Variants in TPM3 observed in about 807,000 individuals in gnomAD.
TPM3 encodes the protein tropomyosin alpha-3 chain.
Under a neutral mutation model 43.1 loss-of-function variants are expected in TPM3, and 16 were observed. The ratio of observed to expected loss-of-function variants is 0.37; its 90% CI spans 0.25 to 0.56. The LOEUF (loss-of-function observed/expected upper bound fraction) is 0.56, where lower values mean the gene tolerates loss of function less well. TPM3 is among the 20% of genes least tolerant of loss of function. The probability of loss-of-function intolerance (pLI) is 0.77; values close to 1 mark genes in which losing one functional copy is unlikely to be tolerated. For missense variants in TPM3, 176 were observed against 337.2 expected (o/e 0.52, Z 3.74); for synonymous variants, 101 against 116.9 (o/e 0.86, Z 0.88).
intron 2 of TPM3, chr1:154,183,148 C>T (rs952245414): frequency 2.5e-6 from 4 of 1,597,544 alleles, no homozygotes; most frequent in Admixed American, 1.7e-5. Context: ...GCTCGCGCTC[C>T]GGTTCCTGCC....
In TPM3 at chr1:154,166,877, T is replaced by C. The variant is rs1397862866; in HGVS notation, c.*1060A>G. ...TTTGTATTTTTAGTAGAGACGGGGT[T>C]TCACCATGTTGGCCGAGCTGGTCTC... On this transcript the variant is annotated 3_prime_UTR_variant, in exon 10 of 10. Transcript: ENST00000651641. Among the ~76,000 whole-genome samples the C allele has an allele frequency of 6.6e-6, 1 of 152,140 alleles. No homozygotes were observed. Among genetic ancestry groups the C allele is most frequent in the Non-Finnish European group, 1.5e-5 (1 of 68,024 alleles).
At chr1:154,183,315 G>A (rs1663195876) in intron 2 of TPM3, 6 of 1,476,142 alleles carry the variant, frequency 4.1e-6, no homozygotes, top group Middle Eastern at 2.4e-4. Context: ...GGAGAGCCGC[G>A]GCAGGGAGTG....
downstream of TPM3, chr1:154,157,201 CT>C: frequency 2.4e-5 from 8 of 335,748 alleles, no homozygotes; most frequent in South Asian, 7.5e-5. Context: ...AGGCCTACAC[CT>C]TTTCCTCTCC....
downstream of TPM3, chr1:154,156,431 T>C (rs1022990667): frequency 2.1e-5 from 4 of 189,778 alleles, no homozygotes; most frequent in Admixed American, 6.2e-5. Context: ...AGTTGCACTA[T>C]TGATTTCTCT....
Position 154,163,595 on chromosome 1 carries a change from A to G in TPM3, c.*4342T>C, listed in dbSNP as rs1660616632. Among the ~76,000 whole-genome samples, 2 of 152,018 alleles carry G rather than the reference A, an allele frequency of 1.3e-5. No homozygotes were observed. The highest frequency in any genetic ancestry group is 1.5e-5 in the Non-Finnish European group (1 of 68,004). On this transcript the variant is annotated 3_prime_UTR_variant, in exon 10 of 10. Transcript: ENST00000651641. ...TCAACCGTCTTCTTTCCCTCCAATC[A>G]GTTCCATTTGGTTCCTCCTCTTACA...
chr1:154,170,552 A>C (rs1431818722), intron 7 of TPM3, 83 bp from the exon 8 acceptor site: 1 of 1,594,290 alleles, frequency 6.3e-7, no homozygotes, highest in Non-Finnish European at 8.6e-7. Flanking sequence ...CTACTTCTGG[A>C]CCTTTCAGAA....
At position 154,168,033 on chromosome 1, in the gene TPM3, G is replaced by A. The variant is rs561157081; in HGVS notation, c.855-93C>T. The A allele has an allele frequency of 3.3e-5, 51 of 1,560,026 alleles. No individual in the cohort carries two copies. In the African/African-American group the frequency reaches 6.4e-4, roughly 19 times the overall value. ...AAAGGAAGAGGAAAAAAAGGAAGAG[G>A]TGGCAGCAGGAATAATAAAAGAGAG... On this transcript the variant is annotated intron_variant, in intron 9 of 9. Transcript: ENST00000651641.
At chr1:154,188,471 C>T (rs1194855305) in intron 2 of TPM3, among the ~76,000 whole-genome samples, 4 of 150,608 alleles carry the variant, frequency 2.7e-5, no homozygotes, top group Non-Finnish European at 4.4e-5. Context: ...GTGAGGAGAT[C>T]GAGACCATCC....
In TPM3 at chr1:154,176,165, A is replaced by T; in HGVS notation, c.327T>A (p.Thr109=). Reference sequence around the variant, plus strand: ...CAGCTTCTTCCAGCTTTTGCAGGGCAGTGGCCAGGCGCTCCTGAGCACGGT... The same window carrying T: ...CAGCTTCTTCCAGCTTTTGCAGGGCTGTGGCCAGGCGCTCCTGAGCACGGT... ...ELDRAQERLA[T]ALQKLEEAEK... is the part of the protein sequence containing the mutation. Residue 109 remains threonine, a synonymous_variant, in exon 3 of 10, where the codon ACT becomes ACA. Coordinates refer to ENST00000651641, the MANE Select transcript of TPM3 (RefSeq NM_152263.4). 3.1e-6 allele frequency: 5 copies of T among 1,614,218 alleles called. No individual in the cohort carries two copies. Among genetic ancestry groups the T allele is most frequent in the Non-Finnish European group, 4.2e-6 (5 of 1,180,044 alleles).
At chr1:154,158,659 T>C, downstream of TPM3, 1 of 437,342 alleles carries the variant, frequency 2.3e-6, no homozygotes, top group East Asian at 4.0e-5. Flanking sequence ...AGGGAACATA[T>C]CCTACAGTCA....
Position 154,166,592 on chromosome 1 carries a change from TA to T in TPM3, c.*1344del, listed in dbSNP as rs1387335576. 9.5e-7 allele frequency: 1 copy of T among 1,048,424 alleles called. No individual in the cohort carries two copies. The allele number at this position is 1,048,424 out of a possible 1,614,324, so 64.9% of individuals were successfully genotyped here. ...TTAAATACATACCCTGCTGGGAAAC[TA>T]AAGTACTAAGTGAACAACACTTACG... On this transcript the variant is annotated 3_prime_UTR_variant, in exon 10 of 10. Transcript: ENST00000651641.
At chr1:154,191,819 G>T in intron 1 of TPM3, 83 bp downstream of exon 1, 1 of 1,579,186 alleles carries the variant, frequency 6.3e-7, no homozygotes, top group Non-Finnish European at 8.6e-7. Context: ...GACACCAGTA[G>T]TCACTGTCTT....
rs564047493 is a variant in TPM3, at chr1:154,166,975, G to A, written c.*962C>T. ...TGGGATTATAGGCGTGAGCTACCAC[G>A]CCCGGCCTATAATGGGAATTTCTAA... On this transcript the variant is annotated 3_prime_UTR_variant, in exon 10 of 10. Transcript: ENST00000651641. 2.8e-4 allele frequency among the ~76,000 whole-genome samples: 43 copies of A among 152,258 alleles called. 1 individual carries two copies. The highest frequency in any genetic ancestry group is 2.1e-3 in the South Asian group (10 of 4,828).
chr1:154,174,401 T>TATATATATAC (rs1553249373), intron 3 of TPM3, among the ~76,000 whole-genome samples: 1 of 104,976 alleles, frequency 9.5e-6, no homozygotes, highest in Non-Finnish European at 1.9e-5. Flanking sequence ...TATATATATA[T>TATATATATAC]ATATATACAC....
In TPM3 at chr1:154,167,781, G is replaced by A. The variant is rs911937331; in HGVS notation, c.*156C>T. On this transcript the variant is annotated 3_prime_UTR_variant, in exon 10 of 10. Transcript: ENST00000651641. Reference sequence around the variant, plus strand: ...GCTTAACATTTTAATTTGGGGTGGGGGTGGAAGAAAATACATAAGTTGCTT... The same window carrying A: ...GCTTAACATTTTAATTTGGGGTGGGAGTGGAAGAAAATACATAAGTTGCTT... 4 of 1,552,442 alleles carry A rather than the reference G, an allele frequency of 2.6e-6. No individual in the cohort carries two copies. The highest frequency in any genetic ancestry group is 2.6e-6 in the Non-Finnish European group (3 of 1,147,542).
intron 5 of TPM3, chr1:154,172,243 T>C (rs1383241278): frequency 1.2e-6 from 1 of 832,510 alleles, no homozygotes; most frequent in Non-Finnish European, 2.1e-6. Flanking sequence ...ACCATGGTCA[T>C]GATATGTTAT....
downstream of TPM3, chr1:154,157,800 G>A: frequency 1.3e-6 from 1 of 776,910 alleles, no homozygotes; most frequent in Non-Finnish European, 2.4e-6. Flanking sequence ...ACTTGCTCCT[G>A]TTGCAGAGAA....
chr1:154,177,894 GT>G (rs1662512808), intron 2 of TPM3, among the ~76,000 whole-genome samples: 1 of 152,222 alleles, frequency 6.6e-6, no homozygotes, highest in Non-Finnish European at 1.5e-5. Flanking sequence ...AAATCGAGAA[GT>G]CAACATAAGC....
chr1:154,166,507 C>A lies in TPM3; in HGVS notation c.*1430G>T, dbSNP rs1660980494. 9.5e-7 allele frequency: 1 copy of A among 1,050,992 alleles called. No homozygotes were observed. The highest frequency in any genetic ancestry group is 1.2e-6 in the Non-Finnish European group (1 of 868,326). The allele number at this position is 1,050,992 out of a possible 1,614,324, so 65.1% of individuals were successfully genotyped here. Reference sequence around the variant, plus strand: ...AAGCAATCCTCCTGCCTCAGCCTCCCAAGAAGCTACAGGCAGTACAGGCAA... The same window carrying A: ...AAGCAATCCTCCTGCCTCAGCCTCCAAAGAAGCTACAGGCAGTACAGGCAA... On this transcript the variant is annotated 3_prime_UTR_variant, in exon 10 of 10. Transcript: ENST00000651641.
Sources: allele counts gnomAD v4.1 joint callset (sites outside exome capture counted in the v4.1 genomes callset), GRCh38; gene constraint gnomAD v4.1.1; transcripts MANE v1.5; gene names NCBI Gene and HGNC (gene_info 2026-07-23, HGNC 2026-07-21).